Variants in FGD4 observed in about 807,000 individuals in gnomAD.
FGD4 encodes FYVE, RhoGEF and PH domain-containing protein 4.
In FGD4, 42 loss-of-function variants were observed where a neutral mutation model predicts 102.0. That is an observed-to-expected ratio of 0.41 (90% CI 0.32 to 0.53). The LOEUF (loss-of-function observed/expected upper bound fraction) is 0.53. Ranked by LOEUF, FGD4 falls within the 20% of genes least tolerant of loss-of-function variation. The probability of loss-of-function intolerance (pLI) is 0.21; values close to 1 mark genes in which losing one functional copy is unlikely to be tolerated. For missense variants in FGD4, 902 were observed against 1,078.2 expected (o/e 0.84, Z 2.29); for synonymous variants, 380 against 375.7 (o/e 1.01, Z -0.13).
chr12:32,547,244 C>A (rs192354194), intron 1 of FGD4, among the ~76,000 whole-genome samples: 2 of 152,014 alleles, frequency 1.3e-5, no homozygotes, highest in East Asian at 3.9e-4. Flanking sequence ...TTGAGACCAG[C>A]CTGGGCAAGA....
chr12:32,563,405 C>T (rs1228607410), intron 1 of FGD4, among the ~76,000 whole-genome samples: 1 of 151,438 alleles, frequency 6.6e-6, no homozygotes, highest in South Asian at 2.1e-4. Flanking sequence ...AGACGATGGG[C>T]GGCCGGGCAG....
At chr12:32,446,975 T>C (rs1393749596) in intron 1 of FGD4, among the ~76,000 whole-genome samples, 1 of 152,180 alleles carries the variant, frequency 6.6e-6, no homozygotes, top group Non-Finnish European at 1.5e-5. Flanking sequence ...GTTCAGTGTG[T>C]TAGCAGCCTT....
chr12:32,437,007 G>A (rs1035759813), intron 1 of FGD4, among the ~76,000 whole-genome samples: 2 of 151,822 alleles, frequency 1.3e-5, no homozygotes, highest in Middle Eastern at 3.4e-3. Context: ...TATGTGGGAG[G>A]CTAAGGCAGG....
chr12:32,598,579 TAGATC>T lies in FGD4; in HGVS notation c.1097_1101del (p.Asp366GlyfsTer22), dbSNP rs2136608035. ...GCTTATGTCAACCGACTTGACCTCT[TAGATC>T]AGGTAAGATTTTCTTTCTCAGAATT... On this transcript the variant is annotated frameshift_variant and splice_region_variant, in exon 5 of 17. Transcript: ENST00000534526. LOFTEE classifies it high-confidence loss of function. 8 of 1,611,692 alleles carry T rather than the reference TAGATC, an allele frequency of 5.0e-6. No individual in the cohort carries two copies. The highest frequency in any genetic ancestry group is 6.8e-6 in the Non-Finnish European group (8 of 1,177,944).
At chr12:32,570,240 C>CA (rs150913094) in intron 2 of FGD4, among the ~76,000 whole-genome samples, 5,819 of 67,158 alleles carry the variant, frequency 0.087, 617 homozygotes, top group African/African-American at 0.21. Flanking sequence ...GACGCTGTCT[C>CA]AAAAAAAAAA....
intron 5 of FGD4, among the ~76,000 whole-genome samples, 178 bp downstream of exon 5, chr12:32,598,764 G>A (rs889929814): frequency 3.3e-5 from 5 of 152,172 alleles, no homozygotes; most frequent in Non-Finnish European, 7.3e-5. Flanking sequence ...CTAGGTATAA[G>A]CATTTTCTAA....
chr12:32,549,981 T>C (rs189528346), intron 1 of FGD4, among the ~76,000 whole-genome samples: 1 of 152,322 alleles, frequency 6.6e-6, no homozygotes, highest in East Asian at 1.9e-4. Flanking sequence ...TTACTTCTGG[T>C]CTCATCATCC....
chr12:32,533,844 C>T (rs1054759450), intron 1 of FGD4, among the ~76,000 whole-genome samples: 28 of 152,228 alleles, frequency 1.8e-4, no homozygotes, highest in African/African-American at 6.7e-4. Flanking sequence ...ATAACATATA[C>T]GACTTGTTTT....
intron 12 of FGD4, chr12:32,624,662 C>A (rs1039040102): frequency 1.5e-6 from 1 of 676,372 alleles, no homozygotes; most frequent in South Asian, 1.5e-5. Context: ...TTCGTAGAGA[C>A]GAGGTTTTGC....
At chr12:32,631,503 C>CTTT (rs1228901589) in intron 14 of FGD4, among the ~76,000 whole-genome samples, 1,431 of 124,532 alleles carry the variant, frequency 0.011, 31 homozygotes, top group South Asian at 0.05. Flanking sequence ...GAGCAAACAG[C>CTTT]TTTTTTTTTT....
At chr12:32,410,769 G>T (rs192384914) in intron 1 of FGD4, among the ~76,000 whole-genome samples, 4 of 152,070 alleles carry the variant, frequency 2.6e-5, no homozygotes, top group Non-Finnish European at 5.9e-5. Context: ...TCTGGGAACC[G>T]CACTGAGCCT....
At chr12:32,414,325 G>A (rs969641048) in intron 1 of FGD4, among the ~76,000 whole-genome samples, 2 of 151,914 alleles carry the variant, frequency 1.3e-5, no homozygotes, top group African/African-American at 4.8e-5. Flanking sequence ...TATAGAGTTG[G>A]TGTATATATT....
chr12:32,611,903 G>C (rs959337104), intron 10 of FGD4, among the ~76,000 whole-genome samples: 1 of 152,192 alleles, frequency 6.6e-6, no homozygotes, highest in Non-Finnish European at 1.5e-5. Context: ...TCAGGGGCCC[G>C]GGAAGCCCCC....
chr12:32,473,345 G>A (rs1943481453), intron 1 of FGD4, among the ~76,000 whole-genome samples: 2 of 149,026 alleles, frequency 1.3e-5, no homozygotes, highest in South Asian at 2.2e-4. Context: ...GCTTTTATGA[G>A]CTGTAACACT....
intron 1 of FGD4, among the ~76,000 whole-genome samples, chr12:32,498,807 TG>T (rs1385540518): frequency 2.6e-5 from 4 of 152,210 alleles, no homozygotes; most frequent in Non-Finnish European, 4.4e-5. Context: ...TTCACCATGT[TG>T]GTCAGGCTGG....
At chr12:32,570,767 T>C (rs2136329052) in intron 2 of FGD4, among the ~76,000 whole-genome samples, 1 of 152,282 alleles carries the variant, frequency 6.6e-6, no homozygotes, top group South Asian at 2.1e-4. Context: ...TATTCCTTTC[T>C]TCCTTATAAT....
At position 32,399,607 on chromosome 12, in the gene FGD4, C is replaced by G. The variant is rs1161255140; in HGVS notation, c.-187C>G. On this transcript the variant is annotated 5_prime_UTR_variant, in exon 1 of 17. Coordinates refer to ENST00000534526, the MANE Select transcript of FGD4 (RefSeq NM_001370298.3). ...CCGCAGGAGTCGCCGCAGCCAAACT[C>G]GCCGCGACGCCGGGAGGGAGCGTAC... 3 of 1,380,074 alleles carry G rather than the reference C, an allele frequency of 2.2e-6. No homozygotes were observed. Among genetic ancestry groups the G allele is most frequent in the Non-Finnish European group, 2.8e-6 (3 of 1,066,526 alleles). 85.5% of individuals were successfully genotyped at this position (1,380,074 alleles called of 1,614,324 possible). A position where few individuals can be genotyped will look rare whatever the true frequency, so the allele number is the denominator to read the frequency against.
intron 1 of FGD4, chr12:32,502,458 ACTTCT>A: frequency 2.2e-6 from 1 of 462,948 alleles, no homozygotes; most frequent in Non-Finnish European, 2.8e-6. Flanking sequence ...AGCGTCATAC[ACTTCT>A]CTTGTATTGA....
Position 32,641,319 on chromosome 12 carries a change from A to G in FGD4, c.*786A>G, listed in dbSNP as rs1353629276. 6.6e-6 allele frequency: 1 copy of G among 152,150 alleles called. No homozygotes were observed. The allele number at this position is 152,150 out of a possible 1,614,324, so 9.4% of individuals were successfully genotyped here. On this transcript the variant is annotated 3_prime_UTR_variant, in exon 17 of 17. Transcript: ENST00000534526. ...GGCATTTGAGGGTATTGATATTTTT[A>G]TAATAAGCGGTAATTTATGTGGCAT...
Sources: gnomAD v4.1 joint callset for allele counts (sites outside exome capture counted in the v4.1 genomes callset) on GRCh38, gnomAD v4.1.1 for gene constraint, MANE v1.5 for transcripts, NCBI Gene and HGNC (gene_info 2026-07-23, HGNC 2026-07-21) for gene names.